The following TMEM202 variants were observed in gnomAD, a reference collection of about 807,000 sequenced individuals.
TMEM202 encodes transmembrane protein 202.
Under a neutral mutation model 26.1 loss-of-function variants are expected in TMEM202, and 25 were observed. The observed-to-expected ratio is 0.96, with a 90% confidence interval of 0.70 to 1.34. TMEM202 has a LOEUF of 1.34. TMEM202 is among the 40% of genes most tolerant of loss of function. TMEM202 has a pLI of 0.00. For missense variants in TMEM202, 301 were observed against 327.7 expected, an observed-to-expected ratio of 0.92 and a Z score of 0.63; for synonymous variants, 122 against 119.0, an observed-to-expected ratio of 1.02 and a Z score of -0.16.
intron 2 of TMEM202, among the ~76,000 whole-genome samples, chr15:72,405,846 C>T (rs2063568346): frequency 6.6e-6 from 1 of 151,992 alleles, no homozygotes; most frequent in Admixed American, 6.6e-5. Context: ...AAAAATTAGC[C>T]AGGCATGGTG....
intron 2 of TMEM202, among the ~76,000 whole-genome samples, chr15:72,399,166 T>C (rs1002242592): frequency 2.0e-5 from 3 of 152,220 alleles, no homozygotes; most frequent in African/African-American, 7.2e-5. Context: ...CGAGACAGGC[T>C]CTTGCTCTAA....
At chr15:72,403,399 G>A (rs1291819476) in intron 2 of TMEM202, among the ~76,000 whole-genome samples, 1 of 152,168 alleles carries the variant, frequency 6.6e-6, no homozygotes, top group Non-Finnish European at 1.5e-5. Context: ...GTTTCAGTAA[G>A]CTGGGAGAAG....
At chr15:72,406,528 A>T (rs1446873677) in intron 2 of TMEM202, 74 bp from the exon 3 acceptor site, 89 of 1,166,052 alleles carry the variant, frequency 7.6e-5, no homozygotes, top group Non-Finnish European at 1.0e-4. Flanking sequence ...CTTCTCTAAG[A>T]CTCTATCTGG....
chr15:72,406,346 G>T (rs1243479911), intron 2 of TMEM202, among the ~76,000 whole-genome samples: 1 of 152,122 alleles, frequency 6.6e-6, no homozygotes, highest in Non-Finnish European at 1.5e-5. Flanking sequence ...CAAGAAAAAG[G>T]TTTAATCTGT....
At chr15:72,401,595 A>G (rs2063548047) in intron 2 of TMEM202, among the ~76,000 whole-genome samples, 1 of 152,196 alleles carries the variant, frequency 6.6e-6, no homozygotes, top group African/African-American at 2.4e-5. Context: ...CACTTAAAGC[A>G]GTGAATAGTT....
intron 2 of TMEM202, among the ~76,000 whole-genome samples, chr15:72,402,719 T>C (rs566259925): frequency 6.6e-6 from 1 of 152,234 alleles, no homozygotes; most frequent in South Asian, 2.1e-4. Flanking sequence ...AAAGGGTAAG[T>C]CTTTTTGTCA....
At chr15:72,405,620 A>AT (rs1440290960) in intron 2 of TMEM202, among the ~76,000 whole-genome samples, 1 of 152,180 alleles carries the variant, frequency 6.6e-6, no homozygotes. Flanking sequence ...ATAAAAAAAA[A>AT]GTGGAGGGAA....
Position 72,407,913 on chromosome 15 carries a change from C to T in TMEM202, c.*20C>T, listed in dbSNP as rs372829280. On this transcript the variant is annotated 3_prime_UTR_variant, in exon 5 of 5. Coordinates refer to ENST00000341689, the MANE Select transcript of TMEM202 (RefSeq NM_001080462.3). ...TGGTGATAGGAAAACCTAACTATAGCTTGTCTTAAAAGCAGGGGAGAAGCT... is the reference window on the plus strand; with the variant it reads ...TGGTGATAGGAAAACCTAACTATAGTTTGTCTTAAAAGCAGGGGAGAAGCT... 1.2e-5 allele frequency: 19 copies of T among 1,602,688 alleles called. No homozygotes were observed. The highest frequency in any genetic ancestry group is 1.6e-5 in the Non-Finnish European group (19 of 1,172,760).
chr15:72,398,971 A>G (rs763445355), intron 2 of TMEM202, 63 bp downstream of exon 2: 36 of 1,549,944 alleles, frequency 2.3e-5, no homozygotes, highest in African/African-American at 6.8e-5. Context: ...TGCTCACACA[A>G]ATTGGCCCTT....
At chr15:72,404,897 A>G (rs899252665) in intron 2 of TMEM202, among the ~76,000 whole-genome samples, 3 of 152,212 alleles carry the variant, frequency 2.0e-5, no homozygotes, top group African/African-American at 7.2e-5. Context: ...ATACAGCTCA[A>G]TCTGGGCTTA....
intron 2 of TMEM202, among the ~76,000 whole-genome samples, chr15:72,399,763 T>C (rs1470775048): frequency 6.6e-6 from 1 of 152,218 alleles, no homozygotes; most frequent in Non-Finnish European, 1.5e-5. Context: ...AAATAACATA[T>C]GCATGAATTT....
chr15:72,407,000 G>A, intron 3 of TMEM202, 86 bp from the exon 4 acceptor site: 1 of 1,547,580 alleles, frequency 6.5e-7, no homozygotes, highest in South Asian at 1.2e-5. Context: ...TATACATATG[G>A]CCTCTGGAGG....
At chr15:72,406,300 C>T (rs1043716693) in intron 2 of TMEM202, among the ~76,000 whole-genome samples, 4 of 151,724 alleles carry the variant, frequency 2.6e-5, no homozygotes, top group Non-Finnish European at 4.4e-5. Context: ...ATGTTGAACG[C>T]GTATTACTTA....
chr15:72,398,706 G>A lies in TMEM202; in HGVS notation c.135G>A (p.Gln45=). The change falls in exon 2 of 5, where the codon CAG becomes CAA. Residue 45 remains glutamine (Q), a synonymous_variant. Transcript: ENST00000341689. ...HPSASMSCQR[Q]QQLMDQAHIY... is the part of the protein sequence containing the mutation. ...GTGCCTCGATGTCATGCCAAAGGCA[G>A]CAGCAGCTTATGGATCAGGCACACA... 6.2e-7 allele frequency: 1 copy of A among 1,614,208 alleles called. No individual in the cohort carries two copies. The highest frequency in any genetic ancestry group is 8.5e-7 in the Non-Finnish European group (1 of 1,180,042).
intron 2 of TMEM202, among the ~76,000 whole-genome samples, chr15:72,399,411 G>T (rs188319051): frequency 9.9e-5 from 15 of 152,202 alleles, no homozygotes; most frequent in African/African-American, 7.2e-5. Context: ...AAAGTACCAG[G>T]ACTATAGGTG....
At chr15:72,407,007 G>C in intron 3 of TMEM202, 79 bp from the exon 4 acceptor site, 1 of 1,571,488 alleles carries the variant, frequency 6.4e-7, no homozygotes. Context: ...ATGGCCTCTG[G>C]AGGCCAAAGA....
At chr15:72,406,961 C>T (rs2063574867) in intron 3 of TMEM202, 125 bp from the exon 4 acceptor site, 1 of 1,361,136 alleles carries the variant, frequency 7.3e-7, no homozygotes, top group Non-Finnish European at 1.0e-6. Context: ...CTTGGTCAGT[C>T]CCCAGGTTTT....
chr15:72,398,417 T>A lies in TMEM202; in HGVS notation c.81+10T>A. On this transcript the variant is annotated intron_variant, in intron 1 of 4. Transcript: ENST00000341689. ...CCGGAAATACCAAAGGGTGAGGAGG[T>A]ATCTAATTGAAAGTCAGATGGGAAG... The A allele has an allele frequency of 6.2e-7, 1 of 1,602,222 alleles. No individual in the cohort carries two copies.
In TMEM202 at chr15:72,398,674, C is replaced by T. The variant is rs781115254; in HGVS notation, c.103C>T (p.His35Tyr). The T allele has an allele frequency of 2.5e-6, 4 of 1,614,182 alleles. No individual in the cohort carries two copies. In the Admixed American group the frequency reaches 5.0e-5, roughly 20 times the overall value. ...YQRPTVPAKKHPSASMSCQRQ... is the reference protein window; with the variant it reads ...YQRPTVPAKKYPSASMSCQRQ... ...GTAGCCTACCGTCCCTGCCAAGAAA[C>T]ATCCAAGTGCCTCGATGTCATGCCA... The change falls in exon 2 of 5, where the codon CAT becomes TAT. Residue 35 changes from histidine (H) to tyrosine (Y), a missense_variant. Transcript: ENST00000341689.
Sources: allele counts gnomAD v4.1 joint callset (sites outside exome capture counted in the v4.1 genomes callset), GRCh38; gene constraint gnomAD v4.1.1; transcripts MANE v1.5; gene names NCBI Gene and HGNC (gene_info 2026-07-23, HGNC 2026-07-21).